The following RAP1GAP variants were observed in gnomAD, a reference collection of about 807,000 sequenced individuals.
RAP1GAP encodes RAP1 GTPase activating protein.
Under a neutral mutation model 87.2 loss-of-function variants are expected in RAP1GAP, and 35 were observed. The ratio of observed to expected loss-of-function variants is 0.40; its 90% CI spans 0.31 to 0.53. The LOEUF (loss-of-function observed/expected upper bound fraction) is 0.53, where lower values mean the gene tolerates loss of function less well. RAP1GAP is among the 20% of genes least tolerant of loss of function. The pLI is 0.48. For missense variants in RAP1GAP, 734 were observed against 898.9 expected, an observed-to-expected ratio of 0.82 and a Z score of 2.35; for synonymous variants, 375 against 363.9, an observed-to-expected ratio of 1.03 and a Z score of -0.35.
At chr1:21,629,862 C>T (rs2093362881) in intron 2 of RAP1GAP, among the ~76,000 whole-genome samples, 1 of 152,218 alleles carries the variant, frequency 6.6e-6, no homozygotes, top group African/African-American at 2.4e-5. Context: ...CATTTGGACA[C>T]AGGTTTGTTG....
intron 2 of RAP1GAP, among the ~76,000 whole-genome samples, chr1:21,648,960 C>T (rs1040782833): frequency 9.9e-5 from 15 of 152,100 alleles, no homozygotes; most frequent in Non-Finnish European, 1.9e-4. Flanking sequence ...TACTGCAGGA[C>T]CCACGGACCC....
chr1:21,604,496 A>C (rs1403602750), intron 18 of RAP1GAP, among the ~76,000 whole-genome samples: 1 of 152,068 alleles, frequency 6.6e-6, no homozygotes, highest in Non-Finnish European at 1.5e-5. Context: ...GTTGTGCAAA[A>C]ACAAAACAGA....
In RAP1GAP at chr1:21,613,823, G is replaced by A. The variant is rs779335380; in HGVS notation, c.396-117C>T. On this transcript the variant is annotated intron_variant, in intron 8 of 24. Transcript: ENST00000374765. The surrounding 1 kb of genome is among the most constrained non-coding windows in gnomAD (Gnocchi z 4.7). ...GACCACAGCGAGGACCAGAGGTGATGATGGGTGTCAGGCTGACTCGGGTAC... is the reference window on the plus strand; with the variant it reads ...GACCACAGCGAGGACCAGAGGTGATAATGGGTGTCAGGCTGACTCGGGTAC... 5.2e-5 allele frequency: 63 copies of A among 1,200,646 alleles called. No homozygotes were observed. In the Middle Eastern group the frequency reaches 2.3e-3, roughly 44 times the overall value. 74.4% of individuals were successfully genotyped at this position (1,200,646 alleles called of 1,614,324 possible).
At chr1:21,653,543 A>ACTTACTTCCTTC (rs1427903695) in intron 1 of RAP1GAP, among the ~76,000 whole-genome samples, 12 of 124,070 alleles carry the variant, frequency 9.7e-5, no homozygotes, top group Admixed American at 3.1e-4. Context: ...GAAGGGAGGA[A>ACTTACTTCCTTC]CTTCCTTCCT....
In RAP1GAP at chr1:21,612,010, G is replaced by A. The variant is rs769680747; in HGVS notation, c.612+16C>T. 1.3e-6 allele frequency: 2 copies of A among 1,534,378 alleles called. No individual in the cohort carries two copies. The highest frequency in any genetic ancestry group is 3.9e-5 in the Admixed American group (2 of 51,274). On this transcript the variant is annotated intron_variant, in intron 11 of 24. Coordinates refer to ENST00000374765, the MANE Select transcript of RAP1GAP (RefSeq NM_002885.4). ...GGGCCAGGTGGGGAGGGGCGGCAGG[G>A]AGGAGGTGAGCACACCTGCCCAAGC...
At chr1:21,618,803 C>A (rs995349032) in intron 5 of RAP1GAP, among the ~76,000 whole-genome samples, 22 of 152,154 alleles carry the variant, frequency 1.4e-4, no homozygotes, top group African/African-American at 5.1e-4. Flanking sequence ...GGCCCCAGCC[C>A]TCTAGCAAGA....
rs781669156 is a variant in RAP1GAP at position 21,611,576 on chromosome 1, C to G, written c.719G>C (p.Arg240Pro). Residue 240 changes from arginine (R) to proline (P), a missense_variant, in exon 13 of 25, where the codon CGA becomes CCA. Physicochemically the swap from Arg to Pro is moderately radical, Grantham distance 103. Transcript: ENST00000374765. ...CCCGTGGGTCACGTCCAGGCCTCCTCGGAACCTGCCCCGGGGCCCCCCAGG... is the reference window on the plus strand; with the variant it reads ...CCCGTGGGTCACGTCCAGGCCTCCTGGGAACCTGCCCCGGGGCCCCCCAGG... ...KVKLQDFKGF[R>P]GGLDVTHGQT... The G allele has an allele frequency of 6.2e-7, 1 of 1,614,028 alleles. No individual in the cohort carries two copies. The highest frequency in any genetic ancestry group is 1.3e-5 in the African/African-American group (1 of 74,930).
chr1:21,669,341 C>G lies in RAP1GAP; in HGVS notation c.-236G>C. 9.4e-7 allele frequency: 1 copy of G among 1,066,538 alleles called. No individual in the cohort carries two copies. The highest frequency in any genetic ancestry group is 1.1e-6 in the Non-Finnish European group (1 of 878,196). The allele number at this position is 1,066,538 out of a possible 1,614,324, so 66.1% of individuals were successfully genotyped here. On this transcript the variant is annotated 5_prime_UTR_variant, in exon 1 of 25. Coordinates refer to ENST00000374765, the MANE Select transcript of RAP1GAP (RefSeq NM_002885.4). This position sits in a 1 kb window ranked among gnomAD's most constrained non-coding sequence, Gnocchi z 5.6. ...GCTCTGCTCAGATGCGGCCGGCGCTCGCCGCCGCCGCAGTTCGGGGAGGGG... is the reference window on the plus strand; with the variant it reads ...GCTCTGCTCAGATGCGGCCGGCGCTGGCCGCCGCCGCAGTTCGGGGAGGGG...
chr1:21,624,652 T>C (rs986244654), intron 3 of RAP1GAP, among the ~76,000 whole-genome samples: 1 of 152,124 alleles, frequency 6.6e-6, no homozygotes, highest in Non-Finnish European at 1.5e-5. Flanking sequence ...CCACAGACTC[T>C]TGATTCTGAG....
intron 18 of RAP1GAP, among the ~76,000 whole-genome samples, chr1:21,604,303 C>T (rs746651932): frequency 3.3e-5 from 5 of 150,156 alleles, no homozygotes; most frequent in African/African-American, 9.8e-5. Flanking sequence ...AAGGAAAAAG[C>T]GAGGGTGAGA....
At chr1:21,667,767 G>A (rs1348146548) in intron 1 of RAP1GAP, 4 of 152,222 alleles carry the variant, frequency 2.6e-5, no homozygotes, top group Non-Finnish European at 4.4e-5. Context: ...TAGCCTCTCC[G>A]AGCCTCAGTT....
Position 21,611,718 on chromosome 1 carries a change from C to G in RAP1GAP, c.711G>C (p.Lys237Asn). ...GCTCAGCCCACCCTAATACTCACCC[C>G]TTAAAGTCCTGCAGTTTGACCTTCT... Reference protein sequence around the residue: ...LGQKVKLQDFKGFRGGLDVTH... With the variant: ...LGQKVKLQDFNGFRGGLDVTH... Residue 237 changes from lysine (K) to asparagine (N), a missense_variant and splice_region_variant, in exon 12 of 25, where the codon AAG becomes AAC. By Grantham distance (94) the Lys-to-Asn change is moderately conservative. Coordinates refer to ENST00000374765, the MANE Select transcript of RAP1GAP (RefSeq NM_002885.4). The G allele has an allele frequency of 5.0e-6, 8 of 1,613,048 alleles. No individual in the cohort carries two copies. Among genetic ancestry groups the G allele is most frequent in the Non-Finnish European group, 6.8e-6 (8 of 1,178,978 alleles).
intron 2 of RAP1GAP, among the ~76,000 whole-genome samples, chr1:21,649,128 C>T (rs983054316): frequency 5.3e-5 from 8 of 152,174 alleles, no homozygotes; most frequent in African/African-American, 4.8e-5. Context: ...CAGGGTGCCA[C>T]GATGTATCCC....
chr1:21,642,914 A>ACACT (rs1491043761), intron 2 of RAP1GAP, among the ~76,000 whole-genome samples: 1 of 149,244 alleles, frequency 6.7e-6, no homozygotes, highest in Non-Finnish European at 1.5e-5. Flanking sequence ...ACACACACAC[A>ACACT]CTGCCACTTG....
chr1:21,642,740 C>T (rs575341582), intron 2 of RAP1GAP, among the ~76,000 whole-genome samples: 14 of 152,254 alleles, frequency 9.2e-5, no homozygotes, highest in African/African-American at 3.4e-4. Context: ...GTGGCTGTCT[C>T]TCTTCCCTTC....
At chr1:21,604,681 CT>C (rs2072476309) in intron 18 of RAP1GAP, among the ~76,000 whole-genome samples, 1 of 151,950 alleles carries the variant, frequency 6.6e-6, no homozygotes. Context: ...TTGGTGACTG[CT>C]GGACAGCAGA....
At chr1:21,655,011 G>A (rs2096800749) in intron 1 of RAP1GAP, among the ~76,000 whole-genome samples, 1 of 151,716 alleles carries the variant, frequency 6.6e-6, no homozygotes, top group South Asian at 2.1e-4. Flanking sequence ...ATGGTGGTTG[G>A]CACCTGTAGT....
chr1:21,606,040 G>C, intron 18 of RAP1GAP, 26 bp downstream of exon 18: 1 of 1,563,270 alleles, frequency 6.4e-7, no homozygotes, highest in South Asian at 1.2e-5. Flanking sequence ...GAGGGGCCGG[G>C]GCCTGGGGAG....
At chr1:21,633,551 A>C (rs6660927) in intron 2 of RAP1GAP, among the ~76,000 whole-genome samples, 15,820 of 152,160 alleles carry the variant, frequency 0.1, 1,133 homozygotes, top group East Asian at 0.23. Flanking sequence ...GGATCTGGAC[A>C]GGTGACAGTG....
Sources: allele counts gnomAD v4.1 joint callset (sites outside exome capture counted in the v4.1 genomes callset), GRCh38; gene constraint gnomAD v4.1.1; non-coding constraint Gnocchi (gnomAD v3.1); transcripts MANE v1.5; gene names NCBI Gene and HGNC (gene_info 2026-07-23, HGNC 2026-07-21).